KBTBD2: variants seen among roughly 807,000 people sequenced by gnomAD.
The protein encoded by KBTBD2 is kelch repeat and BTB domain-containing protein 2.
A neutral mutation model predicts 57.1 loss-of-function variants in KBTBD2; 17 were observed. That is an observed-to-expected ratio of 0.30 (90% CI 0.20 to 0.45). The LOEUF (loss-of-function observed/expected upper bound fraction) is 0.45, where lower values mean the gene tolerates loss of function less well. KBTBD2 is among the 20% of genes least tolerant of loss of function. KBTBD2 has a pLI of 1.00. For missense variants in KBTBD2, 515 were observed against 750.6 expected (o/e 0.69, Z 3.67); for synonymous variants, 267 against 262.7 (o/e 1.02, Z -0.16).
At chr7:32,881,385 T>C (rs943669699) in intron 1 of KBTBD2, among the ~76,000 whole-genome samples, 1 of 152,150 alleles carries the variant, frequency 6.6e-6, no homozygotes, top group Non-Finnish European at 1.5e-5. Context: ...ATGTTAACTA[T>C]AAAAACTGCC....
intron 1 of KBTBD2, among the ~76,000 whole-genome samples, 193 bp downstream of exon 1, chr7:32,891,343 G>C (rs936800735): frequency 6.7e-6 from 1 of 148,406 alleles, no homozygotes; most frequent in African/African-American, 2.4e-5. Context: ...GGTGCGGAGG[G>C]CGGCGCCGGC....
chr7:32,877,210 G>C (rs551175114), intron 2 of KBTBD2, among the ~76,000 whole-genome samples: 1 of 152,004 alleles, frequency 6.6e-6, no homozygotes, highest in African/African-American at 2.4e-5. Context: ...GTAGAGATGG[G>C]GTTTCACCGT....
intron 1 of KBTBD2, among the ~76,000 whole-genome samples, chr7:32,881,959 TA>T (rs1179975679): frequency 1.3e-5 from 2 of 152,226 alleles, no homozygotes; most frequent in Non-Finnish European, 2.9e-5. Flanking sequence ...AAGTCTCAGG[TA>T]GCAATGGATA....
Position 32,873,224 on chromosome 7 carries a change from T to C in KBTBD2, c.336+1768A>G, listed in dbSNP as rs183382363. Among the ~76,000 whole-genome samples the C allele has an allele frequency of 8.5e-4, 129 of 152,238 alleles. 1 individual carries two copies. The highest frequency in any genetic ancestry group is 3.0e-3 in the African/African-American group (123 of 41,542). On this transcript the variant is annotated intron_variant, in intron 3 of 3. Transcript: ENST00000304056. The stretch of plus-strand genomic sequence containing the variant: ...ATGGGGAAATAAAGAGTAAAACAGT[T>C]TGTCATACATAAATATATCAACCAT...
intron 1 of KBTBD2, among the ~76,000 whole-genome samples, chr7:32,884,413 G>A (rs1051851108): frequency 1.3e-5 from 2 of 149,138 alleles, no homozygotes; most frequent in African/African-American, 4.9e-5. Context: ...AAAAAGGCTG[G>A]GCACAGTGGC....
intron 2 of KBTBD2, among the ~76,000 whole-genome samples, chr7:32,878,943 AAG>A (rs1157484418): frequency 6.6e-6 from 1 of 152,234 alleles, no homozygotes; most frequent in Admixed American, 6.5e-5. Flanking sequence ...AAATCTGGCA[AAG>A]AGTCTAGTTA....
Position 32,870,559 on chromosome 7 carries a change from T to G in KBTBD2, c.658A>C (p.Ile220Leu). The G allele has an allele frequency of 6.2e-7, 1 of 1,614,166 alleles. No homozygotes were observed. The highest frequency in any genetic ancestry group is 8.5e-7 in the Non-Finnish European group (1 of 1,180,014). ...SQYLSSVLSQIRIDALSEVTQ... is the reference protein window; with the variant it reads ...SQYLSSVLSQLRIDALSEVTQ... ...ACTTCTGAAAGTGCATCAATTCTGATTTGGCTAAGAACAGAAGACAAATAC... is the reference window on the plus strand; with the variant it reads ...ACTTCTGAAAGTGCATCAATTCTGAGTTGGCTAAGAACAGAAGACAAATAC... The change falls in exon 4 of 4, where the codon ATC (isoleucine) becomes CTC (leucine). Residue 220 changes from isoleucine to leucine, a missense_variant. Coordinates refer to ENST00000304056, the MANE Select transcript of KBTBD2 (RefSeq NM_015483.3).
chr7:32,871,369 G>A (rs781665998), intron 3 of KBTBD2, among the ~76,000 whole-genome samples: 4 of 152,184 alleles, frequency 2.6e-5, no homozygotes, highest in Non-Finnish European at 4.4e-5. Flanking sequence ...CATTCTTATC[G>A]AGAGGTAAGA....
At chr7:32,878,450 C>T (rs921789584) in intron 2 of KBTBD2, among the ~76,000 whole-genome samples, 1 of 150,268 alleles carries the variant, frequency 6.7e-6, no homozygotes, top group East Asian at 2.0e-4. Context: ...CGTGGTGGTG[C>T]GTGCCTGTAA....
At chr7:32,880,602 C>T (rs1416989247) in intron 1 of KBTBD2, among the ~76,000 whole-genome samples, 2 of 150,962 alleles carry the variant, frequency 1.3e-5, no homozygotes, top group Non-Finnish European at 2.9e-5. Flanking sequence ...CCAGAAAACT[C>T]CATATTACAC....
chr7:32,881,004 G>A (rs1362274640), intron 1 of KBTBD2, among the ~76,000 whole-genome samples: 1 of 151,880 alleles, frequency 6.6e-6, no homozygotes, highest in Non-Finnish European at 1.5e-5. Flanking sequence ...AGGAGGCTGA[G>A]GCAGGGGAAT....
intron 1 of KBTBD2, among the ~76,000 whole-genome samples, chr7:32,880,315 TA>T (rs903531668): frequency 2.6e-5 from 4 of 151,644 alleles, no homozygotes; most frequent in African/African-American, 4.9e-5. Flanking sequence ...TAAGAAAAAA[TA>T]TTTTTTTAAA....
chr7:32,872,890 C>A (rs566176597), intron 3 of KBTBD2, among the ~76,000 whole-genome samples: 3 of 152,284 alleles, frequency 2.0e-5, no homozygotes, highest in South Asian at 4.1e-4. Flanking sequence ...TGGTCCCAAT[C>A]ATTTTGGATA....
intron 1 of KBTBD2, among the ~76,000 whole-genome samples, chr7:32,887,522 A>C (rs905541533): frequency 1.3e-5 from 2 of 152,230 alleles, no homozygotes; most frequent in Non-Finnish European, 2.9e-5. Flanking sequence ...GCCAACTAAA[A>C]ATAAAATAAA....
chr7:32,885,196 ATATT>A (rs914015572), intron 1 of KBTBD2, among the ~76,000 whole-genome samples: 8 of 151,710 alleles, frequency 5.3e-5, no homozygotes, highest in Non-Finnish European at 1.0e-4. Flanking sequence ...TCTTGATGAA[ATATT>A]TAGTCAGTGA....
At chr7:32,872,571 A>T (rs1038690693) in intron 3 of KBTBD2, among the ~76,000 whole-genome samples, 1 of 152,104 alleles carries the variant, frequency 6.6e-6, no homozygotes, top group Non-Finnish European at 1.5e-5. Flanking sequence ...CCAGCTACTC[A>T]GGAGGCTAAG....
chr7:32,880,471 TAGG>T (rs1272948379), intron 1 of KBTBD2, among the ~76,000 whole-genome samples: 1 of 152,036 alleles, frequency 6.6e-6, no homozygotes, highest in Non-Finnish European at 1.5e-5. Context: ...TTCAATTCAC[TAGG>T]AGAACTATAT....
In KBTBD2 at chr7:32,869,478, C is replaced by G; in HGVS notation, c.1739G>C (p.Arg580Pro). The G allele has an allele frequency of 6.2e-7, 1 of 1,614,088 alleles. No homozygotes were observed. Among genetic ancestry groups the G allele is most frequent in the Non-Finnish European group, 8.5e-7 (1 of 1,179,984 alleles). Residue 580 changes from arginine to proline, a missense_variant, in exon 4 of 4, where the codon CGA becomes CCA. By Grantham distance (103) the Arg-to-Pro change is moderately radical (BLOSUM62 -2). Coordinates refer to ENST00000304056, the MANE Select transcript of KBTBD2 (RefSeq NM_015483.3). ...TGGATAGAGTTTCCCCACAGTGCATCGAAAATCTCTCCCCAAGTCCCACAG... is the reference window on the plus strand; with the variant it reads ...TGGATAGAGTTTCCCCACAGTGCATGGAAAATCTCTCCCCAAGTCCCACAG... ...RVLWDLGRDF[R>P]CTVGKLYPSC... is the part of the protein sequence containing the mutation.
At chr7:32,882,563 C>T (rs1784470799) in intron 1 of KBTBD2, among the ~76,000 whole-genome samples, 1 of 152,208 alleles carries the variant, frequency 6.6e-6, no homozygotes, top group Non-Finnish European at 1.5e-5. Context: ...CTATTTCCCA[C>T]TCTTCTTTTG....
Sources: gnomAD v4.1 joint callset for allele counts (sites outside exome capture counted in the v4.1 genomes callset) on GRCh38, gnomAD v4.1.1 for gene constraint, MANE v1.5 for transcripts, NCBI Gene and HGNC (gene_info 2026-07-23, HGNC 2026-07-21) for gene names.